The following GATAD2B variants were observed in gnomAD, a reference collection of about 807,000 sequenced individuals.
GATAD2B encodes transcriptional repressor p66-beta.
GATAD2B carries 8 observed loss-of-function variants against 64.3 expected under a neutral mutation model. The ratio of observed to expected loss-of-function variants is 0.12; its 90% CI spans 0.07 to 0.22. The LOEUF (loss-of-function observed/expected upper bound fraction) is 0.22. GATAD2B is among the 10% of genes least tolerant of loss of function. GATAD2B has a pLI of 1.00. For missense variants in GATAD2B, 453 were observed against 752.0 expected (o/e 0.60, Z 4.65); for synonymous variants, 281 against 271.3 (o/e 1.04, Z -0.35).
At chr1:153,855,919 C>G (rs1676070432) in intron 1 of GATAD2B, among the ~76,000 whole-genome samples, 1 of 151,930 alleles carries the variant, frequency 6.6e-6, no homozygotes, top group Non-Finnish European at 1.5e-5. Flanking sequence ...CTGGCCTCAA[C>G]TGATTCATCC....
intron 1 of GATAD2B, among the ~76,000 whole-genome samples, chr1:153,855,389 C>T (rs1449112336): frequency 1.3e-5 from 2 of 151,822 alleles, no homozygotes; most frequent in African/African-American, 2.4e-5. Context: ...TCCCCACGCC[C>T]GGCTAATTTT....
intron 1 of GATAD2B, among the ~76,000 whole-genome samples, chr1:153,897,874 G>A (rs950338244): frequency 2.6e-5 from 4 of 151,816 alleles, no homozygotes; most frequent in African/African-American, 4.8e-5. Context: ...GGCCTGGCAC[G>A]GTGGCTCACA....
chr1:153,854,543 T>C (rs1676016024), intron 1 of GATAD2B, among the ~76,000 whole-genome samples: 1 of 152,224 alleles, frequency 6.6e-6, no homozygotes, highest in Non-Finnish European at 1.5e-5. Context: ...CCTGAGAATT[T>C]TCCTTAATTC....
chr1:153,830,579 C>T (rs1324629397), intron 1 of GATAD2B, among the ~76,000 whole-genome samples: 2 of 146,028 alleles, frequency 1.4e-5, no homozygotes, highest in African/African-American at 5.0e-5. Flanking sequence ...GGGTTCACGC[C>T]ATTCTCCTGC....
intron 1 of GATAD2B, among the ~76,000 whole-genome samples, chr1:153,841,583 A>G (rs1399841693): frequency 2.6e-5 from 4 of 152,194 alleles, no homozygotes; most frequent in Non-Finnish European, 5.9e-5. Context: ...TTTTTCACTT[A>G]GGATAATTTC....
intron 1 of GATAD2B, among the ~76,000 whole-genome samples, chr1:153,907,984 T>C (rs924184830): frequency 5.9e-5 from 9 of 152,196 alleles, no homozygotes; most frequent in South Asian, 2.1e-4. Context: ...TTTGTATTTT[T>C]AGTAGAGACT....
rs1674243985 is a variant in GATAD2B at position 153,810,159 on chromosome 1, G to A, written c.*18C>T. 1 of 1,603,724 alleles carries A rather than the reference G, an allele frequency of 6.2e-7. No homozygotes were observed. Among genetic ancestry groups the A allele is most frequent in the Non-Finnish European group, 8.5e-7 (1 of 1,174,786 alleles). ...GGATAAAGGATTCAAGGATGGGGCA[G>A]TACAAGTGGAACAGGCGTTATTTCT... On this transcript the variant is annotated 3_prime_UTR_variant, in exon 11 of 11. Coordinates refer to ENST00000368655, the MANE Select transcript of GATAD2B (RefSeq NM_020699.4).
intron 1 of GATAD2B, chr1:153,889,549 T>G (rs1677301981): frequency 6.3e-6 from 1 of 159,896 alleles, no homozygotes; most frequent in Admixed American, 6.6e-5. Context: ...TTATCGGAAT[T>G]TCAAGACAAT....
At chr1:153,844,036 G>A (rs1421228908) in intron 1 of GATAD2B, among the ~76,000 whole-genome samples, 3 of 152,122 alleles carry the variant, frequency 2.0e-5, no homozygotes, top group African/African-American at 4.8e-5. Flanking sequence ...TGAAGAGATG[G>A]AGCAGAGAAC....
intron 1 of GATAD2B, among the ~76,000 whole-genome samples, chr1:153,920,145 T>TG (rs1247276278): frequency 6.6e-6 from 1 of 151,954 alleles, no homozygotes. Context: ...GCTTGGTGGG[T>TG]GGGGGAGGAA....
intron 1 of GATAD2B, among the ~76,000 whole-genome samples, chr1:153,906,817 T>C (rs1232839195): frequency 1.3e-5 from 2 of 151,948 alleles, no homozygotes; most frequent in African/African-American, 4.8e-5. Context: ...AAAAACCCAA[T>C]TAAAAACTAA....
chr1:153,908,782 G>GGAAAA (rs1553199455), intron 1 of GATAD2B, among the ~76,000 whole-genome samples: 3 of 31,854 alleles, frequency 9.4e-5, no homozygotes, highest in African/African-American at 1.3e-4. Context: ...AACATACTTG[G>GGAAAA]AAAAAAAAAA....
intron 1 of GATAD2B, among the ~76,000 whole-genome samples, chr1:153,885,840 G>A (rs1272717753): frequency 6.8e-6 from 1 of 147,756 alleles, no homozygotes; most frequent in Non-Finnish European, 1.5e-5. Flanking sequence ...TCCAGCCTGG[G>A]CGACAGAGCA....
chr1:153,841,001 T>A (rs542955166), intron 1 of GATAD2B, among the ~76,000 whole-genome samples: 1 of 151,746 alleles, frequency 6.6e-6, no homozygotes, highest in Admixed American at 6.6e-5. Flanking sequence ...GGCATGTGCC[T>A]GTAGTCTGAG....
intron 1 of GATAD2B, among the ~76,000 whole-genome samples, chr1:153,894,869 C>T (rs1677535320): frequency 6.7e-6 from 1 of 148,528 alleles, no homozygotes; most frequent in South Asian, 2.1e-4. Flanking sequence ...CTCAAAAAAA[C>T]AAACAAAGGC....
At chr1:153,899,847 G>A (rs2101959067) in intron 1 of GATAD2B, among the ~76,000 whole-genome samples, 1 of 152,162 alleles carries the variant, frequency 6.6e-6, no homozygotes, top group East Asian at 1.9e-4. Context: ...ATAACTTAAA[G>A]TCTAACAAAA....
At chr1:153,849,692 G>A (rs953868809) in intron 1 of GATAD2B, among the ~76,000 whole-genome samples, 3 of 152,108 alleles carry the variant, frequency 2.0e-5, no homozygotes, top group East Asian at 3.9e-4. Context: ...GTACAGTGGC[G>A]TGATCTTGGC....
intron 1 of GATAD2B, among the ~76,000 whole-genome samples, chr1:153,842,269 C>G (rs1378489883): frequency 6.6e-6 from 1 of 152,182 alleles, no homozygotes; most frequent in African/African-American, 2.4e-5. Context: ...TAATTCTCTT[C>G]TGTGAAACTT....
rs900901549 is a variant in GATAD2B, at chr1:153,807,356, G to A, written c.*2821C>T. ...CAATCAGTGATGAAAAAAAAGAGACGGAGAATTGAGGAAGACAGAAGGATG... is the reference window on the plus strand; with the variant it reads ...CAATCAGTGATGAAAAAAAAGAGACAGAGAATTGAGGAAGACAGAAGGATG... On this transcript the variant is annotated 3_prime_UTR_variant, in exon 11 of 11. Transcript: ENST00000368655. 9.8e-5 allele frequency: 15 copies of A among 152,302 alleles called. No homozygotes were observed. Among genetic ancestry groups the A allele is most frequent in the Middle Eastern group, 3.4e-3 (1 of 296 alleles). 9.4% of individuals were successfully genotyped at this position (152,302 alleles called of 1,614,324 possible).
Sources: gnomAD v4.1 joint callset for allele counts (sites outside exome capture counted in the v4.1 genomes callset) on GRCh38, gnomAD v4.1.1 for gene constraint, MANE v1.5 for transcripts, NCBI Gene and HGNC (gene_info 2026-07-23, HGNC 2026-07-21) for gene names.